TG: variants seen among roughly 807,000 people sequenced by gnomAD.
The protein encoded by TG is thyroid hormones.
TG carries 270 observed loss-of-function variants against 324.7 expected under a neutral mutation model. The ratio of observed to expected loss-of-function variants is 0.83; its 90% CI spans 0.75 to 0.92. The LOEUF is 0.92. Ranked by LOEUF, TG falls within the 40% of genes least tolerant of loss-of-function variation. The probability of loss-of-function intolerance (pLI) is 0.00; values close to 1 mark genes in which losing one functional copy is unlikely to be tolerated. For synonymous variants in TG, 1,401 were observed against 1,327.0 expected (o/e 1.06, Z -1.21); for missense variants, 3,591 against 3,456.4 (o/e 1.04, Z -0.98).
intron 46 of TG, among the ~76,000 whole-genome samples, chr8:133,133,215 T>C (rs538417794): frequency 6.6e-6 from 1 of 152,312 alleles, no homozygotes; most frequent in African/African-American, 2.4e-5. Flanking sequence ...CAGCGCTAGG[T>C]CCTGGGTAAT....
intron 29 of TG, 108 bp from the exon 30 acceptor site, chr8:132,966,452 C>A: frequency 1.5e-6 from 2 of 1,306,316 alleles, no homozygotes; most frequent in Non-Finnish European, 2.1e-6. Flanking sequence ...CACTTTCTCT[C>A]TCTGTCTCTC....
At chr8:133,022,483 A>G (rs1248332961) in intron 40 of TG, among the ~76,000 whole-genome samples, 1 of 152,194 alleles carries the variant, frequency 6.6e-6, no homozygotes, top group East Asian at 1.9e-4. Context: ...AAGACTATAC[A>G]GTCAGGGAAC....
intron 30 of TG, among the ~76,000 whole-genome samples, chr8:132,967,123 A>T (rs1364703526): frequency 6.9e-6 from 1 of 144,870 alleles, no homozygotes; most frequent in Non-Finnish European, 1.5e-5. Context: ...CCATCCATCC[A>T]TCCATCCATC....
At chr8:132,953,926 T>C (rs1826471619) in intron 27 of TG, among the ~76,000 whole-genome samples, 1 of 152,106 alleles carries the variant, frequency 6.6e-6, no homozygotes, top group South Asian at 2.1e-4. Context: ...TTGACAAATC[T>C]TGAAGTGCAA....
intron 35 of TG, among the ~76,000 whole-genome samples, chr8:132,983,962 C>T (rs908782053): frequency 2.6e-5 from 4 of 152,198 alleles, no homozygotes; most frequent in Non-Finnish European, 5.9e-5. Context: ...CCCACTGATC[C>T]TCCTCACTCA....
chr8:133,095,655 G>A (rs3779955), intron 42 of TG, among the ~76,000 whole-genome samples: 23,325 of 152,224 alleles, frequency 0.15, 2,242 homozygotes, highest in Non-Finnish European at 0.2. Flanking sequence ...GGATAGCTGT[G>A]TGTTCCCTTT....
intron 45 of TG, among the ~76,000 whole-genome samples, chr8:133,124,611 G>A (rs1851383239): frequency 6.6e-6 from 1 of 152,198 alleles, no homozygotes; most frequent in Admixed American, 6.5e-5. Flanking sequence ...GAATATTCAA[G>A]ATCATGTCCA....
chr8:133,011,420 AG>A (rs1368862861), intron 35 of TG, among the ~76,000 whole-genome samples: 9 of 152,144 alleles, frequency 5.9e-5, no homozygotes, highest in Non-Finnish European at 1.3e-4. Context: ...TCAGTACTGC[AG>A]GGGGTCTAAA....
intron 41 of TG, chr8:133,050,698 A>G (rs1486031197): frequency 2.8e-6 from 2 of 702,290 alleles, no homozygotes; most frequent in Non-Finnish European, 2.5e-6. Flanking sequence ...TTCTCACCTC[A>G]TAATAGGACC....
intron 41 of TG, among the ~76,000 whole-genome samples, chr8:133,089,146 A>G (rs1361769291): frequency 6.6e-6 from 1 of 152,130 alleles, no homozygotes; most frequent in African/African-American, 2.4e-5. Flanking sequence ...AGACCTTACA[A>G]GTCACCGATG....
chr8:133,110,294 C>G (rs768545373), intron 43 of TG, among the ~76,000 whole-genome samples: 1 of 152,148 alleles, frequency 6.6e-6, no homozygotes, highest in Non-Finnish European at 1.5e-5. Context: ...ACTTGGCCCT[C>G]GAATTTGGCA....
chr8:132,883,036 G>A, intron 8 of TG, 37 bp downstream of exon 8: 1 of 1,603,896 alleles, frequency 6.2e-7, no homozygotes, highest in Non-Finnish European at 8.5e-7. Flanking sequence ...TTCGGCCTCG[G>A]ATCATATTAC....
intron 20 of TG, among the ~76,000 whole-genome samples, chr8:132,917,905 T>TA (rs1554667906): frequency 2.0e-5 from 3 of 150,366 alleles, no homozygotes; most frequent in Admixed American, 6.6e-5. Context: ...TTTTTTTTTT[T>TA]AATTGCAAAA....
chr8:133,096,713 C>T (rs1848470045), intron 43 of TG, among the ~76,000 whole-genome samples: 1 of 152,198 alleles, frequency 6.6e-6, no homozygotes. Flanking sequence ...GTACTGAGAA[C>T]TGAGAGATGA....
chr8:133,061,392 G>A (rs1322456769), intron 41 of TG, among the ~76,000 whole-genome samples: 2 of 152,226 alleles, frequency 1.3e-5, no homozygotes, highest in Non-Finnish European at 2.9e-5. Context: ...CTGAGATAAA[G>A]CATGGGAACC....
intron 43 of TG, among the ~76,000 whole-genome samples, chr8:133,112,300 G>A (rs1235572137): frequency 1.3e-5 from 2 of 152,378 alleles, no homozygotes; most frequent in African/African-American, 4.8e-5. Context: ...TGATAAGCAC[G>A]TTGCACCGTT....
intron 5 of TG, among the ~76,000 whole-genome samples, chr8:132,875,365 C>A (rs1405041344): frequency 6.6e-6 from 1 of 152,178 alleles, no homozygotes; most frequent in Non-Finnish European, 1.5e-5. Flanking sequence ...ATTTTATATC[C>A]TTTAACTTAC....
intron 41 of TG, chr8:133,045,167 G>A (rs750139571): frequency 6.2e-7 from 1 of 1,605,122 alleles, no homozygotes; most frequent in South Asian, 1.1e-5. Context: ...TCACCCCAAG[G>A]CACCCAGCTA....
At chr8:133,028,634 G>A (rs749084133) in intron 40 of TG, among the ~76,000 whole-genome samples, 30 of 152,100 alleles carry the variant, frequency 2.0e-4, no homozygotes, top group Admixed American at 5.2e-4. Flanking sequence ...TATCACCCCC[G>A]TTTTACAGAT....
Sources: allele counts gnomAD v4.1 joint callset (sites outside exome capture counted in the v4.1 genomes callset), GRCh38; gene constraint gnomAD v4.1.1; transcripts MANE v1.5; gene names NCBI Gene and HGNC (gene_info 2026-07-23, HGNC 2026-07-21).